TSPAN9: variants seen among roughly 807,000 people sequenced by gnomAD.
TSPAN9 encodes the protein tetraspanin-9.
A neutral mutation model predicts 31.0 loss-of-function variants in TSPAN9; 16 were observed. That is an observed-to-expected ratio of 0.52 (90% CI 0.35 to 0.78). TSPAN9 has a LOEUF of 0.78. Among genes scored for constraint, TSPAN9 ranks in the 30% least tolerant of loss-of-function variants. TSPAN9 has a pLI of 0.01. For missense variants in TSPAN9, 272 were observed against 312.5 expected (o/e 0.87, Z 0.98); for synonymous variants, 145 against 121.6 (o/e 1.19, Z -1.27).
intron 3 of TSPAN9, among the ~76,000 whole-genome samples, chr12:3,255,834 A>G (rs575969421): frequency 6.6e-6 from 1 of 152,358 alleles, no homozygotes; most frequent in Admixed American, 6.5e-5. Context: ...TCTCATCCGT[A>G]CAGAGATGAG....
At chr12:3,272,125 G>C (rs892257269) in intron 3 of TSPAN9, among the ~76,000 whole-genome samples, 1 of 152,156 alleles carries the variant, frequency 6.6e-6, no homozygotes, top group Non-Finnish European at 1.5e-5. Context: ...AGGGTGTCAG[G>C]GGGGCCAGGT....
chr12:3,141,182 C>A (rs551845975), intron 2 of TSPAN9, among the ~76,000 whole-genome samples: 5 of 152,060 alleles, frequency 3.3e-5, no homozygotes, highest in East Asian at 1.9e-4. Flanking sequence ...TCAAATACCC[C>A]GTGTCAGGAG....
At chr12:3,175,425 G>A (rs968891495) in intron 2 of TSPAN9, among the ~76,000 whole-genome samples, 2 of 152,234 alleles carry the variant, frequency 1.3e-5, no homozygotes, top group African/African-American at 4.8e-5. Flanking sequence ...CTTGCAGGAG[G>A]TGTGAGATAG....
chr12:3,237,414 C>T (rs181742302), intron 3 of TSPAN9, among the ~76,000 whole-genome samples: 4 of 152,332 alleles, frequency 2.6e-5, no homozygotes, highest in Admixed American at 2.6e-4. Context: ...CACCTATTCT[C>T]CTTATACCAG....
intron 3 of TSPAN9, among the ~76,000 whole-genome samples, chr12:3,216,800 C>T (rs554399203): frequency 7.9e-5 from 12 of 152,292 alleles, no homozygotes; most frequent in South Asian, 6.2e-4. Context: ...TCTGCAGGCA[C>T]CCTAGGGAGG....
intron 3 of TSPAN9, among the ~76,000 whole-genome samples, chr12:3,227,668 C>G (rs2098388547): frequency 6.6e-6 from 1 of 152,168 alleles, no homozygotes; most frequent in Admixed American, 6.5e-5. Context: ...CTCACACGGA[C>G]TCACACTCCA....
At position 3,172,738 on chromosome 12, in the gene TSPAN9, G is replaced by A. The variant is rs982070363; in HGVS notation, c.-17-28439G>A. 2 of 152,308 alleles carry A rather than the reference G, an allele frequency of 1.3e-5. No individual in the cohort carries two copies. The highest frequency in any genetic ancestry group is 2.4e-5 in the African/African-American group (1 of 41,438). The allele number at this position is 152,308 out of a possible 1,614,324, so 9.4% of individuals were successfully genotyped here. A position where few individuals can be genotyped will look rare whatever the true frequency, so the allele number is the denominator to read the frequency against. ...AGATCCATCAGCAATGTCGCTTAGC[G>A]AGGCTTTCTTCAGCTTTGGAGGCAT... On this transcript the variant is annotated intron_variant, in intron 2 of 8. Coordinates refer to ENST00000011898, the MANE Select transcript of TSPAN9 (RefSeq NM_006675.5). The surrounding 1 kb of genome is among the most constrained non-coding windows in gnomAD (Gnocchi z 4.8).
At position 3,281,821 on chromosome 12, in the gene TSPAN9, A is replaced by T. The variant is rs1862901160; in HGVS notation, c.648+4A>T. On this transcript the variant is annotated splice_donor_region_variant and intron_variant, in intron 8 of 8. Coordinates refer to ENST00000011898, the MANE Select transcript of TSPAN9 (RefSeq NM_006675.5). ...GATGTGCATCCTCATCATGCAGGTA[A>T]GAGGGGCGTCCCCAGCAGCCTCACC... 1 of 1,613,818 alleles carries T rather than the reference A, an allele frequency of 6.2e-7. No individual in the cohort carries two copies. The highest frequency in any genetic ancestry group is 1.3e-5 in the African/African-American group (1 of 74,928).
At position 3,172,811 on chromosome 12, in the gene TSPAN9, A is replaced by G. The variant is rs890145813; in HGVS notation, c.-17-28366A>G. The G allele has an allele frequency of 2.6e-5, 4 of 152,258 alleles. No homozygotes were observed. Among genetic ancestry groups the G allele is most frequent in the Non-Finnish European group, 5.9e-5 (4 of 68,072 alleles). 9.4% of individuals were successfully genotyped at this position (152,258 alleles called of 1,614,324 possible). A position where few individuals can be genotyped will look rare whatever the true frequency, so the allele number is the denominator to read the frequency against. On this transcript the variant is annotated intron_variant, in intron 2 of 8. Transcript: ENST00000011898. This position sits in a 1 kb window ranked among gnomAD's most constrained non-coding sequence, Gnocchi z 4.8. ...CCCTGTAGGTGTTGATTGAGCCTGC[A>G]GGGAATACCAAGCACGTAGGCATGG...
intron 1 of TSPAN9, among the ~76,000 whole-genome samples, chr12:3,077,765 G>A (rs2098295832): frequency 6.6e-6 from 1 of 152,172 alleles, no homozygotes; most frequent in African/African-American, 2.4e-5. Context: ...GTAACCCGGG[G>A]CCGGCAAGGG....
In TSPAN9 at chr12:3,280,151, G is replaced by A. The variant is rs1862866671; in HGVS notation, c.331-231G>A. 6.6e-6 allele frequency among the ~76,000 whole-genome samples: 1 copy of A among 152,076 alleles called. No individual in the cohort carries two copies. The highest frequency in any genetic ancestry group is 1.5e-5 in the Non-Finnish European group (1 of 67,996). Reference sequence around the variant, plus strand: ...AGTTTAGCTCTGCCGGGAGGCGGTGGGTGCACCAGGGCCTGCTGTATTCTG... The same window carrying A: ...AGTTTAGCTCTGCCGGGAGGCGGTGAGTGCACCAGGGCCTGCTGTATTCTG... On this transcript the variant is annotated intron_variant, in intron 5 of 8. Transcript: ENST00000011898. This position sits in a 1 kb window ranked among gnomAD's most constrained non-coding sequence, Gnocchi z 4.5.
intron 2 of TSPAN9, among the ~76,000 whole-genome samples, chr12:3,089,338 C>T (rs1591621871): frequency 1.4e-5 from 2 of 146,876 alleles, no homozygotes; most frequent in Admixed American, 1.4e-4. Flanking sequence ...GTTCTGTCCC[C>T]CAGGCTGGAG....
intron 2 of TSPAN9, among the ~76,000 whole-genome samples, chr12:3,128,793 T>A (rs183044222): frequency 6.6e-6 from 1 of 152,320 alleles, no homozygotes; most frequent in African/African-American, 2.4e-5. Flanking sequence ...AACATAAAAT[T>A]GACCATTTCA....
chr12:3,242,714 G>A (rs1363007305), intron 3 of TSPAN9, among the ~76,000 whole-genome samples: 1 of 152,240 alleles, frequency 6.6e-6, no homozygotes, highest in Non-Finnish European at 1.5e-5. Context: ...AGCTGCCACA[G>A]TGGGGAGCCC....
chr12:3,208,251 C>T (rs369413001), intron 3 of TSPAN9, among the ~76,000 whole-genome samples: 3 of 152,068 alleles, frequency 2.0e-5, no homozygotes, highest in African/African-American at 2.4e-5. Context: ...AAGTGTCCCT[C>T]GGGCTGGGGA....
intron 2 of TSPAN9, among the ~76,000 whole-genome samples, chr12:3,184,458 A>AG (rs2098360103): frequency 6.6e-6 from 1 of 152,206 alleles, no homozygotes; most frequent in East Asian, 1.9e-4. Context: ...AAAGAGAAAG[A>AG]GAAAAAAAAG....
intron 2 of TSPAN9, among the ~76,000 whole-genome samples, chr12:3,104,631 G>A (rs1286810101): frequency 6.6e-6 from 1 of 152,192 alleles, no homozygotes; most frequent in Non-Finnish European, 1.5e-5. Flanking sequence ...TGGGATTACA[G>A]GCGTGAGCCA....
intron 2 of TSPAN9, among the ~76,000 whole-genome samples, chr12:3,100,488 C>A (rs1423549323): frequency 1.3e-5 from 2 of 152,220 alleles, no homozygotes; most frequent in African/African-American, 4.8e-5. Context: ...AATCAGAGGA[C>A]TTGCCTGTTT....
chr12:3,090,836 T>C (rs936169256), intron 2 of TSPAN9, among the ~76,000 whole-genome samples: 2 of 152,172 alleles, frequency 1.3e-5, no homozygotes, highest in African/African-American at 4.8e-5. Context: ...CTTTGGAAGA[T>C]AGTGCAGACC....
Sources: allele counts gnomAD v4.1 joint callset (sites outside exome capture counted in the v4.1 genomes callset), GRCh38; gene constraint gnomAD v4.1.1; non-coding constraint Gnocchi (gnomAD v3.1); transcripts MANE v1.5; gene names NCBI Gene and HGNC (gene_info 2026-07-23, HGNC 2026-07-21).